KCND2: variants seen among roughly 807,000 people sequenced by gnomAD.
The protein encoded by KCND2 is A-type voltage-gated potassium channel KCND2.
In KCND2, 16 loss-of-function variants were observed where a neutral mutation model predicts 54.4. The ratio of observed to expected loss-of-function variants is 0.29; its 90% CI spans 0.20 to 0.45. KCND2 has a LOEUF of 0.45. Ranked by LOEUF, KCND2 falls within the 20% of genes least tolerant of loss-of-function variation. The probability of loss-of-function intolerance (pLI) is 1.00; values close to 1 mark genes in which losing one functional copy is unlikely to be tolerated. For missense variants in KCND2, 486 were observed against 824.2 expected, an observed-to-expected ratio of 0.59 and a Z score of 5.02; for synonymous variants, 317 against 310.7, an observed-to-expected ratio of 1.02 and a Z score of -0.21.
intron 1 of KCND2, among the ~76,000 whole-genome samples, chr7:120,507,765 A>G (rs1803049706): frequency 6.6e-6 from 1 of 151,906 alleles, no homozygotes; most frequent in African/African-American, 2.4e-5. Context: ...CTTATCTAAC[A>G]TAAAACACTG....
rs1793032463 is a variant in KCND2, at chr7:120,748,405, A to G, written c.*547A>G. On this transcript the variant is annotated 3_prime_UTR_variant, in exon 6 of 6. Transcript: ENST00000331113. ...GTCTTCAGAATAGGCATGATAAACTATAATTGTAGAAAGGGGTAATTTCTG... is the reference window on the plus strand; with the variant it reads ...GTCTTCAGAATAGGCATGATAAACTGTAATTGTAGAAAGGGGTAATTTCTG... The G allele has an allele frequency of 6.5e-6, 1 of 153,426 alleles. No homozygotes were observed. The highest frequency in any genetic ancestry group is 2.4e-5 in the African/African-American group (1 of 41,426). The allele number at this position is 153,426 out of a possible 1,614,324, so 9.5% of individuals were successfully genotyped here.
At chr7:120,728,217 G>C (rs1472527381) in intron 1 of KCND2, among the ~76,000 whole-genome samples, 1 of 150,108 alleles carries the variant, frequency 6.7e-6, no homozygotes, top group African/African-American at 2.4e-5. Flanking sequence ...TGTTCAAGTT[G>C]CTGTGTTATC....
chr7:120,718,411 G>C (rs537998603), intron 1 of KCND2, among the ~76,000 whole-genome samples: 1 of 152,056 alleles, frequency 6.6e-6, no homozygotes, highest in East Asian at 1.9e-4. Context: ...ATATTTAAAT[G>C]GTTAGGAAAA....
At chr7:120,466,139 A>G (rs988527609) in intron 1 of KCND2, among the ~76,000 whole-genome samples, 1 of 152,198 alleles carries the variant, frequency 6.6e-6, no homozygotes, top group African/African-American at 2.4e-5. Flanking sequence ...GTCTGCAAAC[A>G]TTGCCCAAAT....
chr7:120,506,952 A>C (rs1355441883), intron 1 of KCND2, among the ~76,000 whole-genome samples: 1 of 151,858 alleles, frequency 6.6e-6, no homozygotes, highest in African/African-American at 2.4e-5. Context: ...CAAAAAAGAA[A>C]GAGCCAAGGA....
At chr7:120,588,642 A>G (rs953080611) in intron 1 of KCND2, among the ~76,000 whole-genome samples, 8 of 152,120 alleles carry the variant, frequency 5.3e-5, no homozygotes, top group African/African-American at 1.7e-4. Flanking sequence ...TCCTCCTGAC[A>G]TCTGTGGGCT....
At chr7:120,731,455 G>A (rs547090630) in intron 1 of KCND2, among the ~76,000 whole-genome samples, 123 of 152,248 alleles carry the variant, frequency 8.1e-4, no homozygotes, top group African/African-American at 2.8e-3. Context: ...AAAACAGAAG[G>A]CCAGATGGCC....
intron 1 of KCND2, among the ~76,000 whole-genome samples, chr7:120,690,165 G>A (rs922643625): frequency 1.3e-5 from 2 of 152,056 alleles, no homozygotes; most frequent in Non-Finnish European, 2.9e-5. Flanking sequence ...TAAATGACAA[G>A]CATTCAATAA....
chr7:120,495,461 T>C (rs1053349174), intron 1 of KCND2, among the ~76,000 whole-genome samples: 1 of 152,130 alleles, frequency 6.6e-6, no homozygotes, highest in Admixed American at 6.6e-5. Flanking sequence ...TCCCTTTCAA[T>C]CAAGAAAGTT....
At chr7:120,432,305 T>C (rs1214472486) in intron 1 of KCND2, among the ~76,000 whole-genome samples, 1 of 152,228 alleles carries the variant, frequency 6.6e-6, no homozygotes, top group Non-Finnish European at 1.5e-5. Flanking sequence ...GGTGTGTTTA[T>C]AGTAGTATAT....
chr7:120,494,268 G>T (rs1044316917), intron 1 of KCND2, among the ~76,000 whole-genome samples: 1 of 152,048 alleles, frequency 6.6e-6, no homozygotes, highest in Non-Finnish European at 1.5e-5. Context: ...TGAGTTTTCT[G>T]ATGTACAGTT....
At chr7:120,729,752 C>T (rs1562922211) in intron 1 of KCND2, among the ~76,000 whole-genome samples, 1 of 152,218 alleles carries the variant, frequency 6.6e-6, no homozygotes. Flanking sequence ...CTTGCAAATA[C>T]TCACCTGTGT....
At chr7:120,680,297 C>G (rs868617471) in intron 1 of KCND2, among the ~76,000 whole-genome samples, 1 of 152,080 alleles carries the variant, frequency 6.6e-6, no homozygotes, top group Admixed American at 6.6e-5. Context: ...CCTTCTCACT[C>G]CCTGGCCCTT....
intron 1 of KCND2, among the ~76,000 whole-genome samples, chr7:120,555,680 A>G (rs1367018872): frequency 6.6e-6 from 1 of 152,234 alleles, no homozygotes; most frequent in Admixed American, 6.5e-5. Context: ...ACATATTTAA[A>G]TAGGTACACA....
intron 1 of KCND2, among the ~76,000 whole-genome samples, chr7:120,566,115 C>T (rs973888179): frequency 6.6e-6 from 1 of 152,188 alleles, no homozygotes; most frequent in East Asian, 1.9e-4. Flanking sequence ...TTTTTTTCTA[C>T]CTATTACTGA....
At chr7:120,677,089 G>A (rs7776794) in intron 1 of KCND2, among the ~76,000 whole-genome samples, 15 of 152,074 alleles carry the variant, frequency 9.9e-5, no homozygotes, top group African/African-American at 3.1e-4. Flanking sequence ...TCTTAATCTC[G>A]GGAACTCTAT....
chr7:120,430,194 C>T (rs1006548713), intron 1 of KCND2, among the ~76,000 whole-genome samples: 3 of 152,158 alleles, frequency 2.0e-5, no homozygotes, highest in African/African-American at 7.2e-5. Flanking sequence ...TCTTAGGCCC[C>T]TCTCCTTGGC....
chr7:120,668,415 A>AGAAAG (rs10652059), intron 1 of KCND2, among the ~76,000 whole-genome samples: 50,134 of 151,476 alleles, frequency 0.33, 9,631 homozygotes, highest in African/African-American at 0.5. Flanking sequence ...GGGTTTTCTG[A>AGAAAG]GAAAGACTTT....
intron 1 of KCND2, among the ~76,000 whole-genome samples, chr7:120,635,633 A>C (rs1793295402): frequency 6.6e-6 from 1 of 152,210 alleles, no homozygotes; most frequent in Non-Finnish European, 1.5e-5. Context: ...TCCATCTTTT[A>C]TGATACTTGA....
Sources: allele counts gnomAD v4.1 joint callset (sites outside exome capture counted in the v4.1 genomes callset), GRCh38; gene constraint gnomAD v4.1.1; transcripts MANE v1.5; gene names NCBI Gene and HGNC (gene_info 2026-07-23, HGNC 2026-07-21).